The following KCNQ2 variants were observed in gnomAD, a reference collection of about 807,000 sequenced individuals.
The protein encoded by KCNQ2 is potassium voltage-gated channel subfamily Q member 2.
KCNQ2 carries 14 observed loss-of-function variants against 84.8 expected under a neutral mutation model. The observed-to-expected ratio is 0.17, with a 90% CI of 0.11 to 0.26. KCNQ2 has a LOEUF of 0.26. Ranked by LOEUF, KCNQ2 falls within the 10% of genes least tolerant of loss-of-function variation. KCNQ2 has a pLI of 1.00. For synonymous variants in KCNQ2, 599 were observed against 554.1 expected, an observed-to-expected ratio of 1.08 and a Z score of -1.14; for missense variants, 788 against 1,254.0, an observed-to-expected ratio of 0.63 and a Z score of 5.61.
chr20:63,469,170 T>C (rs1335858335), intron 1 of KCNQ2, among the ~76,000 whole-genome samples: 1 of 152,138 alleles, frequency 6.6e-6, no homozygotes, highest in African/African-American at 2.4e-5. Context: ...GGGCCCCCCA[T>C]GGTGATCTGG....
intron 1 of KCNQ2, chr20:63,466,638 G>A (rs8113956): frequency 0.29 from 44,786 of 152,106 alleles, 6,833 homozygotes; most frequent in Middle Eastern, 0.36. Flanking sequence ...GTTGAATCCC[G>A]GCGGCCATCA....
At chr20:63,443,133 C>CACT (rs1441416248) in intron 4 of KCNQ2, among the ~76,000 whole-genome samples, 1 of 111,102 alleles carries the variant, frequency 9.0e-6, no homozygotes, top group African/African-American at 3.6e-5. Context: ...CCACCACCAC[C>CACT]ATCATCACCA....
intron 5 of KCNQ2, 95 bp from the exon 6 acceptor site, chr20:63,439,803 C>G (rs2081106431): frequency 1.1e-6 from 1 of 917,690 alleles, no homozygotes; most frequent in Admixed American, 1.8e-5. Context: ...TGGGATGGGA[C>G]AGATGCGGGG....
At chr20:63,435,024 G>A (rs577784204) in intron 7 of KCNQ2, among the ~76,000 whole-genome samples, 13 of 152,326 alleles carry the variant, frequency 8.5e-5, no homozygotes, top group African/African-American at 2.9e-4. Context: ...CTGCTTTCCA[G>A]GGTGACTGCA....
chr20:63,464,692 C>T (rs964006754), intron 1 of KCNQ2, among the ~76,000 whole-genome samples: 23 of 152,220 alleles, frequency 1.5e-4, no homozygotes, highest in Non-Finnish European at 3.2e-4. Context: ...CTCCACTCTC[C>T]ACAGGAAAAG....
rs1163999852 is a variant in KCNQ2 at position 63,413,591 on chromosome 20, G to T, written c.1632-10C>A. On this transcript the variant is annotated splice_polypyrimidine_tract_variant and intron_variant, in intron 14 of 16. Transcript: ENST00000359125. ...CAGGAACCGCATGACACTGCAGGGG[G>T]GTGGGTGGGGCTGTGAGCCCTGGGC... 1.2e-6 allele frequency: 2 copies of T among 1,611,064 alleles called. No individual in the cohort carries two copies. Among genetic ancestry groups the T allele is most frequent in the Non-Finnish European group, 1.7e-6 (2 of 1,178,442 alleles).
chr20:63,418,295 T>C (rs1256838424), intron 12 of KCNQ2, among the ~76,000 whole-genome samples: 1 of 152,174 alleles, frequency 6.6e-6, no homozygotes, highest in Non-Finnish European at 1.5e-5. Context: ...GCTTGGGGCT[T>C]ACGGGGCCGG....
rs374261922 is a variant in KCNQ2, at chr20:63,407,874, G to A, written c.1888-499C>T. On this transcript the variant is annotated intron_variant, in intron 16 of 16. Coordinates refer to ENST00000359125, the MANE Select transcript of KCNQ2 (RefSeq NM_172107.4). The surrounding 1 kb of genome is among the most constrained non-coding windows in gnomAD (Gnocchi z 7.2). ...CTAGGGGCAAAGCCTCCAGCTCCAC[G>A]GTTGGGGCGTGTGTTCAGAGCCAGG... 2.0e-3 allele frequency: 416 copies of A among 203,080 alleles called. 15 individuals are homozygous for A. In the South Asian group the frequency reaches 0.036, roughly 18 times the overall value. The allele number at this position is 203,080 out of a possible 1,614,324, so 12.6% of individuals were successfully genotyped here.
chr20:63,431,390 C>T (rs779267996), intron 8 of KCNQ2, 21 bp from the exon 9 acceptor site: 1 of 1,613,374 alleles, frequency 6.2e-7, no homozygotes, highest in East Asian at 2.2e-5. Context: ...TTTCCACACA[C>T]ACAAAGGGAA....
Position 63,414,019 on chromosome 20 carries a change from G to A in KCNQ2, c.1631+69C>T. ...CTGTCCAGCACCATGAGCACCGGCAGCAGGCAGGACCACCGAGCGGGAGGC... is the reference window on the plus strand; with the variant it reads ...CTGTCCAGCACCATGAGCACCGGCAACAGGCAGGACCACCGAGCGGGAGGC... On this transcript the variant is annotated intron_variant, in intron 14 of 16. Coordinates refer to ENST00000359125, the MANE Select transcript of KCNQ2 (RefSeq NM_172107.4). This position sits in a 1 kb window ranked among gnomAD's most constrained non-coding sequence, Gnocchi z 6.6. 8.6e-7 allele frequency: 1 copy of A among 1,165,162 alleles called. No homozygotes were observed. The allele number at this position is 1,165,162 out of a possible 1,614,324, so 72.2% of individuals were successfully genotyped here. A position where few individuals can be genotyped will look rare whatever the true frequency, so the allele number is the denominator to read the frequency against.
At chr20:63,432,856 C>A (rs1412553344) in intron 8 of KCNQ2, among the ~76,000 whole-genome samples, 1 of 151,764 alleles carries the variant, frequency 6.6e-6, no homozygotes. Context: ...AGGGAAGGAT[C>A]CACCCTCAGG....
rs1229653725 is a variant in KCNQ2 at position 63,430,184 on chromosome 20, C to G, written c.1148+1156G>C. Among the ~76,000 whole-genome samples the G allele has an allele frequency of 8.5e-5, 13 of 152,158 alleles. 1 individual carries two copies. Among genetic ancestry groups the G allele is most frequent in the Non-Finnish European group, 1.8e-4 (12 of 68,020 alleles). On this transcript the variant is annotated intron_variant, in intron 9 of 16. Transcript: ENST00000359125. Reference sequence around the variant, plus strand: ...AGCGCCAGGGCAGACAGGCGGGCGGCAGGGCCAGGGCAGGACGGAGCTGTG... The same window carrying G: ...AGCGCCAGGGCAGACAGGCGGGCGGGAGGGCCAGGGCAGGACGGAGCTGTG...
In KCNQ2 at chr20:63,406,983, G is replaced by A. The variant is rs753696924; in HGVS notation, c.2280C>T (p.Arg760=). The change falls in exon 17 of 17, where the codon CGC becomes CGT. Residue 760 remains arginine, a synonymous_variant. Transcript: ENST00000359125. ...CCTGCCGCAGGAACTCCATGCTGGCGCGGTTGCCCCCGCCGTAGGCGGACA... is the reference window on the plus strand; with the variant it reads ...CCTGCCGCAGGAACTCCATGCTGGCACGGTTGCCCCCGCCGTAGGCGGACA... ...RSLSAYGGGN[R]ASMEFLRQED... 23 of 1,528,466 alleles carry A rather than the reference G, an allele frequency of 1.5e-5. No individual in the cohort carries two copies. Among genetic ancestry groups the A allele is most frequent in the African/African-American group, 4.1e-5 (3 of 72,892 alleles). 94.7% of individuals were successfully genotyped at this position (1,528,466 alleles called of 1,614,324 possible). A position where few individuals can be genotyped will look rare whatever the true frequency, so the allele number is the denominator to read the frequency against.
At chr20:63,423,909 G>A (rs560364084) in intron 11 of KCNQ2, 9 of 521,432 alleles carry the variant, frequency 1.7e-5, no homozygotes, top group African/African-American at 5.9e-5. Flanking sequence ...CGGGGTGGGG[G>A]ATCCCCCACC....
Position 63,414,785 on chromosome 20 carries a change from G to A in KCNQ2, c.1525+118C>T, listed in dbSNP as rs1169778188. The A allele has an allele frequency of 1.1e-6, 1 of 933,392 alleles. No individual in the cohort carries two copies. The highest frequency in any genetic ancestry group is 1.7e-6 in the Non-Finnish European group (1 of 572,622). The allele number at this position is 933,392 out of a possible 1,614,324, so 57.8% of individuals were successfully genotyped here. On this transcript the variant is annotated intron_variant, in intron 13 of 16. Transcript: ENST00000359125. The surrounding 1 kb of genome is among the most constrained non-coding windows in gnomAD (Gnocchi z 6.6). ...CACCTCAATTTTAGAAAGGATAGGG[G>A]GTTCCCACTCCAAGAGCAAGCAAAA...
intron 15 of KCNQ2, among the ~76,000 whole-genome samples, chr20:63,410,526 A>C (rs745849470): frequency 2.0e-5 from 3 of 152,196 alleles, no homozygotes; most frequent in Non-Finnish European, 4.4e-5. Flanking sequence ...AAGGCACAGG[A>C]GGACGGAGGA....
At chr20:63,469,716 T>G (rs1225190530) in intron 1 of KCNQ2, among the ~76,000 whole-genome samples, 3 of 152,246 alleles carry the variant, frequency 2.0e-5, no homozygotes, top group Non-Finnish European at 4.4e-5. Flanking sequence ...CACTCCCGGC[T>G]GCCCCAGGCC....
chr20:63,460,014 C>G lies in KCNQ2; in HGVS notation c.296+12154G>C, dbSNP rs919253479. 6.6e-6 allele frequency: 1 copy of G among 152,216 alleles called. No individual in the cohort carries two copies. Among genetic ancestry groups the G allele is most frequent in the Non-Finnish European group, 1.5e-5 (1 of 68,064 alleles). The allele number at this position is 152,216 out of a possible 1,614,324, so 9.4% of individuals were successfully genotyped here. ...TTTACACTACAGGAAGCAGACGGCA[C>G]CCGGGGACCTTGTGAGCTGTAGAAT... On this transcript the variant is annotated intron_variant, in intron 1 of 16. Transcript: ENST00000359125. The surrounding 1 kb of genome is among the most constrained non-coding windows in gnomAD (Gnocchi z 5.4).
At position 63,412,138 on chromosome 20, in the gene KCNQ2, A is replaced by G. The variant is rs568824934; in HGVS notation, c.1763+1312T>C. 29 of 475,294 alleles carry G rather than the reference A, an allele frequency of 6.1e-5. No individual in the cohort carries two copies. The South Asian group carries it at 6.2e-4, about 10-fold the overall frequency. The allele number at this position is 475,294 out of a possible 1,614,324, so 29.4% of individuals were successfully genotyped here. ...TGCGGAGACCCGGGTGCCACGTCCC[A>G]GAGCGTGGAGTGCAGGGGAGGTGCC... is the stretch of plus-strand genomic sequence containing the variant. On this transcript the variant is annotated intron_variant, in intron 15 of 16. Transcript: ENST00000359125.
Sources: allele counts gnomAD v4.1 joint callset (sites outside exome capture counted in the v4.1 genomes callset), GRCh38; gene constraint gnomAD v4.1.1; non-coding constraint Gnocchi (gnomAD v3.1); transcripts MANE v1.5; gene names NCBI Gene and HGNC (gene_info 2026-07-23, HGNC 2026-07-21).